Variants in RYR2 observed in about 807,000 individuals in gnomAD.
The protein encoded by RYR2 is cardiac muscle ryanodine receptor-calcium release channel.
In RYR2, 227 loss-of-function variants were observed where a neutral mutation model predicts 601.1. The ratio of observed to expected loss-of-function variants is 0.38; its 90% CI spans 0.34 to 0.42. RYR2 has a LOEUF of 0.42. Among genes scored for constraint, RYR2 ranks in the 10% least tolerant of loss-of-function variants. The probability of loss-of-function intolerance (pLI) is 1.00; values close to 1 mark genes in which losing one functional copy is unlikely to be tolerated. For synonymous variants in RYR2, 2,223 were observed against 2,175.1 expected (o/e 1.02, Z -0.61); for missense variants, 4,646 against 6,156.5 (o/e 0.75, Z 8.21).
intron 1 of RYR2, among the ~76,000 whole-genome samples, chr1:237,081,506 C>T (rs1044684756): frequency 1.3e-5 from 1 of 79,444 alleles, no homozygotes; most frequent in South Asian, 3.5e-4. Flanking sequence ...ATAAATACAC[C>T]CCCCACATAT....
chr1:237,601,535 A>G (rs937667432), intron 34 of RYR2, among the ~76,000 whole-genome samples: 11 of 152,136 alleles, frequency 7.2e-5, no homozygotes, highest in Admixed American at 1.3e-4. Context: ...TAGGGTGACT[A>G]TAGTCAACCA....
intron 80 of RYR2, among the ~76,000 whole-genome samples, chr1:237,748,556 T>G (rs1692274926): frequency 6.6e-6 from 1 of 152,128 alleles, no homozygotes; most frequent in African/African-American, 2.4e-5. Context: ...AAGTACACTG[T>G]GTGGGGGCAG....
intron 1 of RYR2, among the ~76,000 whole-genome samples, chr1:237,246,151 G>C (rs565297180): frequency 2.0e-5 from 3 of 151,600 alleles, no homozygotes; most frequent in African/African-American, 7.3e-5. Context: ...GCTGGAGTGC[G>C]GTGGCACAAT....
chr1:237,739,987 C>T (rs1042535578), intron 79 of RYR2, among the ~76,000 whole-genome samples: 6 of 152,124 alleles, frequency 3.9e-5, no homozygotes, highest in Non-Finnish European at 8.8e-5. Flanking sequence ...TATTCCACAC[C>T]TGCCCCTTTA....
intron 1 of RYR2, among the ~76,000 whole-genome samples, chr1:237,146,764 C>T (rs1674046927): frequency 6.6e-6 from 1 of 151,928 alleles, no homozygotes; most frequent in African/African-American, 2.4e-5. Context: ...TAAGTATTAC[C>T]CTCATCTATT....
chr1:237,342,159 T>C (rs976668629), intron 3 of RYR2, among the ~76,000 whole-genome samples: 13 of 151,996 alleles, frequency 8.6e-5, no homozygotes, highest in Non-Finnish European at 1.9e-4. Flanking sequence ...AACTTCCTTT[T>C]TTTTTTTTGA....
At chr1:237,420,693 G>A (rs1246423957) in intron 11 of RYR2, among the ~76,000 whole-genome samples, 2 of 152,070 alleles carry the variant, frequency 1.3e-5, no homozygotes, top group African/African-American at 2.4e-5. Context: ...AAGGAGCACT[G>A]GTACATATGA....
At chr1:237,798,651 G>C (rs1659568321) in intron 97 of RYR2, among the ~76,000 whole-genome samples, 1 of 152,126 alleles carries the variant, frequency 6.6e-6, no homozygotes, top group Non-Finnish European at 1.5e-5. Context: ...TAGTGCGTCA[G>C]AAATAATATA....
At chr1:237,175,101 T>G (rs1200347985) in intron 1 of RYR2, among the ~76,000 whole-genome samples, 1 of 152,224 alleles carries the variant, frequency 6.6e-6, no homozygotes, top group Non-Finnish European at 1.5e-5. Context: ...TATGCAGATT[T>G]TATAATACAA....
At chr1:237,088,782 A>T (rs1666634036) in intron 1 of RYR2, among the ~76,000 whole-genome samples, 3 of 152,182 alleles carry the variant, frequency 2.0e-5, no homozygotes, top group Non-Finnish European at 4.4e-5. Flanking sequence ...TTCTCATAGT[A>T]CTTAGACAGT....
At chr1:237,179,565 G>A (rs113218902) in intron 1 of RYR2, among the ~76,000 whole-genome samples, 14 of 152,008 alleles carry the variant, frequency 9.2e-5, no homozygotes, top group South Asian at 2.1e-4. Flanking sequence ...CTTTATCTGC[G>A]TTATTTCATG....
intron 17 of RYR2, chr1:237,471,012 T>A (rs944588587): frequency 6.5e-6 from 1 of 154,452 alleles, no homozygotes; most frequent in Admixed American, 6.5e-5. Context: ...AGTGTCTGAT[T>A]TGCATAGGGC....
chr1:237,100,404 T>C (rs1667954742), intron 1 of RYR2, among the ~76,000 whole-genome samples: 1 of 151,312 alleles, frequency 6.6e-6, no homozygotes, highest in African/African-American at 2.4e-5. Context: ...TCTCTCTCTC[T>C]CTCTCAGAGT....
At chr1:237,052,793 C>G (rs1231591212) in intron 1 of RYR2, among the ~76,000 whole-genome samples, 2 of 152,056 alleles carry the variant, frequency 1.3e-5, no homozygotes, top group Non-Finnish European at 2.9e-5. Context: ...CACACACACG[C>G]ATTGCATACA....
chr1:237,689,082 G>A (rs1686707558), intron 63 of RYR2, among the ~76,000 whole-genome samples: 1 of 152,038 alleles, frequency 6.6e-6, no homozygotes, highest in Non-Finnish European at 1.5e-5. Flanking sequence ...GGGCAACATA[G>A]CAAGACCTTG....
At chr1:237,700,061 G>A (rs1687829046) in intron 64 of RYR2, among the ~76,000 whole-genome samples, 168 bp from the exon 65 acceptor site, 1 of 152,170 alleles carries the variant, frequency 6.6e-6, no homozygotes, top group South Asian at 2.1e-4. Flanking sequence ...GAGCAGTATT[G>A]CTGTAACTTC....
intron 17 of RYR2, among the ~76,000 whole-genome samples, chr1:237,469,639 T>C (rs139340119): frequency 2.1e-4 from 32 of 152,170 alleles, no homozygotes; most frequent in African/African-American, 7.2e-4. Context: ...CTCATTCTTT[T>C]TCAAATTGAT....
In RYR2 at chr1:237,565,888, C is replaced by A. The variant is rs3766866; in HGVS notation, c.3215-679C>A. Among the ~76,000 whole-genome samples, 5 of 152,082 alleles carry A rather than the reference C, an allele frequency of 3.3e-5. No homozygotes were observed. The South Asian group carries it at 1.0e-3, about 32-fold the overall frequency. On this transcript the variant is annotated intron_variant, in intron 27 of 104. Transcript: ENST00000366574. The stretch of plus-strand genomic sequence containing the variant: ...TCTCATTTCCTAGGGATACTTTTCC[C>A]CCTTTTGCATCACACTGGTCCTAAT...
intron 1 of RYR2, among the ~76,000 whole-genome samples, chr1:237,175,239 G>C (rs929964914): frequency 6.6e-6 from 1 of 152,040 alleles, no homozygotes; most frequent in East Asian, 1.9e-4. Flanking sequence ...TCCCCTTAGG[G>C]CACCTTAATT....
Sources: gnomAD v4.1 joint callset for allele counts (sites outside exome capture counted in the v4.1 genomes callset) on GRCh38, gnomAD v4.1.1 for gene constraint, MANE v1.5 for transcripts, NCBI Gene and HGNC (gene_info 2026-07-23, HGNC 2026-07-21) for gene names.